Variants in SLCO2B1 observed in about 807,000 individuals in gnomAD.
The protein encoded by SLCO2B1 is OATP-RP2.
SLCO2B1 carries 41 observed loss-of-function variants against 67.3 expected under a neutral mutation model. That is an observed-to-expected ratio of 0.61 (90% CI 0.47 to 0.79). The LOEUF (loss-of-function observed/expected upper bound fraction) is 0.79. Among genes scored for constraint, SLCO2B1 ranks in the 30% least tolerant of loss-of-function variants. The pLI, the probability that SLCO2B1 is intolerant of heterozygous loss-of-function variation, is 0.00. For synonymous variants in SLCO2B1, 379 were observed against 381.4 expected (o/e 0.99, Z 0.07); for missense variants, 837 against 920.1 (o/e 0.91, Z 1.17).
rs1355495565 is a variant in SLCO2B1, at chr11:75,154,331, T to TA, written c.16+2944dup. Among the ~76,000 whole-genome samples, 556 of 147,046 alleles carry TA rather than the reference T, an allele frequency of 3.8e-3. 1 individual carries two copies. The highest frequency in any genetic ancestry group is 5.1e-3 in the Non-Finnish European group (341 of 66,334). ...CATGGTGAAACACCCCCATCTCTAC[T>TA]AAAAAAAAAATACAAAAAATTAGCT... On this transcript the variant is annotated intron_variant, in intron 1 of 13. Transcript: ENST00000289575.
chr11:75,154,085 C>T (rs902529165), intron 1 of SLCO2B1, among the ~76,000 whole-genome samples: 13 of 151,752 alleles, frequency 8.6e-5, no homozygotes, highest in African/African-American at 3.1e-4. Context: ...ACCACCACGC[C>T]CAGCTAATTT....
intron 8 of SLCO2B1, among the ~76,000 whole-genome samples, 154 bp downstream of exon 8, chr11:75,188,392 A>G (rs1214253003): frequency 6.6e-6 from 1 of 152,086 alleles, no homozygotes; most frequent in African/African-American, 2.4e-5. Context: ...TGCACATGCA[A>G]TCCTCTCTGC....
intron 1 of SLCO2B1, among the ~76,000 whole-genome samples, chr11:75,155,034 G>A (rs1288770495): frequency 6.6e-6 from 1 of 152,104 alleles, no homozygotes; most frequent in African/African-American, 2.4e-5. Flanking sequence ...GGTCTAGATG[G>A]GGTAGCCAGG....
rs1234944677 is a variant in SLCO2B1, at chr11:75,172,544, C to T, written c.947C>T (p.Ala316Val). ...RELQFRRKVLAVTDSPARKGK... is the reference protein window; with the variant it reads ...RELQFRRKVLVVTDSPARKGK... ...CTTCAGTTTCGGCGAAAGGTCTTAGCAGTCACAGACTCACCTGCCAGGAAG... is the reference window on the plus strand; with the variant it reads ...CTTCAGTTTCGGCGAAAGGTCTTAGTAGTCACAGACTCACCTGCCAGGAAG... The change falls in exon 7 of 14, where the codon GCA becomes GTA. Residue 316 changes from alanine to valine, a missense_variant. Coordinates refer to ENST00000289575, the MANE Select transcript of SLCO2B1 (RefSeq NM_007256.5). 1.2e-6 allele frequency: 2 copies of T among 1,614,020 alleles called. No individual in the cohort carries two copies. The highest frequency in any genetic ancestry group is 1.7e-6 in the Non-Finnish European group (2 of 1,179,902).
In SLCO2B1 at chr11:75,205,732, T is replaced by C. The variant is rs1290681775; in HGVS notation, c.*1152T>C. 6.6e-6 allele frequency: 1 copy of C among 152,286 alleles called. No individual in the cohort carries two copies. The highest frequency in any genetic ancestry group is 1.5e-5 in the Non-Finnish European group (1 of 68,070). 9.4% of individuals were successfully genotyped at this position (152,286 alleles called of 1,614,324 possible). A position where few individuals can be genotyped will look rare whatever the true frequency, so the allele number is the denominator to read the frequency against. On this transcript the variant is annotated 3_prime_UTR_variant, in exon 14 of 14. Coordinates refer to ENST00000289575, the MANE Select transcript of SLCO2B1 (RefSeq NM_007256.5). ...GATGCTATGGCTTGCTCGTGTCTTATGATCCAATCCTTTTCTACATCAGCC... is the reference window on the plus strand; with the variant it reads ...GATGCTATGGCTTGCTCGTGTCTTACGATCCAATCCTTTTCTACATCAGCC...
At chr11:75,159,523 G>A (rs961284522) in intron 1 of SLCO2B1, among the ~76,000 whole-genome samples, 3 of 152,192 alleles carry the variant, frequency 2.0e-5, no homozygotes, top group African/African-American at 7.2e-5. Flanking sequence ...AGGAGGACAC[G>A]CAGTCCTGGA....
intron 9 of SLCO2B1, among the ~76,000 whole-genome samples, chr11:75,194,799 C>T (rs917782336): frequency 1.3e-5 from 2 of 152,096 alleles, no homozygotes; most frequent in Admixed American, 6.5e-5. Context: ...CAGCTCATCT[C>T]ACACACCCCA....
chr11:75,172,226 A>G (rs1949968846), intron 6 of SLCO2B1, among the ~76,000 whole-genome samples, 153 bp from the exon 7 acceptor site: 1 of 152,212 alleles, frequency 6.6e-6, no homozygotes, highest in Admixed American at 6.5e-5. Context: ...GCCCAGGGTC[A>G]CACAGGACAC....
At chr11:75,178,823 A>G (rs748996486) in intron 7 of SLCO2B1, among the ~76,000 whole-genome samples, 9 of 152,098 alleles carry the variant, frequency 5.9e-5, no homozygotes, top group Non-Finnish European at 1.0e-4. Flanking sequence ...TGCTTCTATG[A>G]GTTTGGCTTT....
chr11:75,196,724 C>A, intron 10 of SLCO2B1, 45 bp downstream of exon 10: 2 of 1,570,500 alleles, frequency 1.3e-6, no homozygotes, highest in African/African-American at 1.4e-5. Flanking sequence ...CAGGACTCTG[C>A]CTGCCCTGTC....
rs1276929279 is a variant in SLCO2B1, at chr11:75,151,287, C to A, written c.-95C>A. On this transcript the variant is annotated 5_prime_UTR_variant, in exon 1 of 14. Coordinates refer to ENST00000289575, the MANE Select transcript of SLCO2B1 (RefSeq NM_007256.5). ...TGCTGTGGCTCACCTGCTGCTGTCT[C>A]CAGGAGCCCCTGAGAAGATTTGCTT... 1.7e-6 allele frequency: 2 copies of A among 1,172,160 alleles called. No homozygotes were observed. Among genetic ancestry groups the A allele is most frequent in the Admixed American group, 2.0e-5 (1 of 50,374 alleles). The allele number at this position is 1,172,160 out of a possible 1,614,324, so 72.6% of individuals were successfully genotyped here. A position where few individuals can be genotyped will look rare whatever the true frequency, so the allele number is the denominator to read the frequency against.
chr11:75,175,188 G>C (rs907804167), intron 7 of SLCO2B1, among the ~76,000 whole-genome samples: 1 of 152,166 alleles, frequency 6.6e-6, no homozygotes, highest in African/African-American at 2.4e-5. Context: ...CTGAGAACAT[G>C]ATGATCTGCT....
At chr11:75,166,017 C>T in intron 4 of SLCO2B1, 68 bp downstream of exon 4, 1 of 1,520,026 alleles carries the variant, frequency 6.6e-7, no homozygotes, top group Non-Finnish European at 8.9e-7. Context: ...TGGGGCCCAC[C>T]CCACAGGCAT....
intron 11 of SLCO2B1, 182 bp downstream of exon 11, chr11:75,200,569 T>C (rs1945167683): frequency 5.6e-6 from 3 of 534,534 alleles, no homozygotes; most frequent in Non-Finnish European, 9.4e-6. Context: ...TCTCCCCATC[T>C]TGCAGATAAG....
rs1169950275 is a variant in SLCO2B1, at chr11:75,200,307, G to A, written c.1683G>A (p.Val561=). 2 of 1,613,860 alleles carry A rather than the reference G, an allele frequency of 1.2e-6. No individual in the cohort carries two copies. Among genetic ancestry groups the A allele is most frequent in the East Asian group, 4.5e-5 (2 of 44,872 alleles). Residue 561 remains valine (V), a synonymous_variant, in exon 11 of 14, where the codon GTG becomes GTA. Coordinates refer to ENST00000289575, the MANE Select transcript of SLCO2B1 (RefSeq NM_007256.5). ...GCGACTCAACGTGCAGCCATCTGGT[G>A]GTGCCCTTCCTGCTCCTGGTCAGCC... The part of the protein sequence containing the change: ...GSCDSTCSHL[V]VPFLLLVSLG...
chr11:75,201,052 A>G (rs1163441380), intron 11 of SLCO2B1: 6 of 101,524 alleles, frequency 5.9e-5, no homozygotes, highest in African/African-American at 2.3e-4. Context: ...TTTGAGATGC[A>G]GTTTTGCTCT....
intron 7 of SLCO2B1, among the ~76,000 whole-genome samples, chr11:75,179,080 G>C (rs1950061819): frequency 2.6e-5 from 4 of 152,088 alleles, no homozygotes; most frequent in Admixed American, 2.0e-4. Context: ...AAGCGTGAGA[G>C]TGCAGATCTC....
intron 13 of SLCO2B1, 36 bp downstream of exon 13, chr11:75,203,463 T>A (rs778061661): frequency 6.2e-6 from 10 of 1,612,330 alleles, no homozygotes; most frequent in Non-Finnish European, 7.6e-6. Flanking sequence ...GGAAGGGTGC[T>A]GGAAATACTC....
chr11:75,156,532 G>C (rs909104661), intron 1 of SLCO2B1, among the ~76,000 whole-genome samples: 1 of 152,128 alleles, frequency 6.6e-6, no homozygotes, highest in Non-Finnish European at 1.5e-5. Flanking sequence ...CTGGAGGGAG[G>C]TGTCTGCCAT....
Sources: allele counts gnomAD v4.1 joint callset (sites outside exome capture counted in the v4.1 genomes callset), GRCh38; gene constraint gnomAD v4.1.1; transcripts MANE v1.5; gene names NCBI Gene and HGNC (gene_info 2026-07-23, HGNC 2026-07-21).